The following MREG variants were observed in gnomAD, a reference collection of about 807,000 sequenced individuals.
MREG encodes dilute suppressor protein homolog.
Under a neutral mutation model 28.5 loss-of-function variants are expected in MREG, and 31 were observed. That is an observed-to-expected ratio of 1.09 (90% confidence interval 0.82 to 1.47). The LOEUF (loss-of-function observed/expected upper bound fraction) is 1.47, where lower values mean the gene tolerates loss of function less well. Ranked by LOEUF, MREG falls within the 40% of genes most tolerant of loss-of-function variation. MREG has a pLI of 0.00. For missense variants in MREG, 256 were observed against 257.4 expected, an observed-to-expected ratio of 0.99 and a Z score of 0.04; for synonymous variants, 106 against 95.2, an observed-to-expected ratio of 1.11 and a Z score of -0.66.
At chr2:215,995,596 T>C (rs1693851667) in intron 2 of MREG, among the ~76,000 whole-genome samples, 1 of 148,420 alleles carries the variant, frequency 6.7e-6, no homozygotes, top group African/African-American at 2.5e-5. Flanking sequence ...ATGCAGTGTA[T>C]ATTTAATACA....
chr2:216,015,302 G>T (rs1694429596), upstream of MREG, among the ~76,000 whole-genome samples: 3 of 152,116 alleles, frequency 2.0e-5, no homozygotes, highest in Admixed American at 2.0e-4. Flanking sequence ...CTTGAAGGAG[G>T]TGAGCAAGCT....
chr2:215,983,875 G>C (rs1263836826), intron 2 of MREG, among the ~76,000 whole-genome samples: 1 of 152,128 alleles, frequency 6.6e-6, no homozygotes, highest in South Asian at 2.1e-4. Flanking sequence ...AGCCTTAAAG[G>C]ATAAGCGTAG....
chr2:215,984,532 A>AG (rs1171765226), intron 2 of MREG, among the ~76,000 whole-genome samples: 1 of 151,642 alleles, frequency 6.6e-6, no homozygotes, highest in East Asian at 1.9e-4. Context: ...AAAAAAAAAA[A>AG]AAAAAAAAAA....
rs528592292 is a variant in MREG, at chr2:215,969,789, C to T, written c.256-22676G>A. On this transcript the variant is annotated intron_variant, in intron 2 of 4. Coordinates refer to ENST00000263268, the MANE Select transcript of MREG (RefSeq NM_018000.3). Reference sequence around the variant, plus strand: ...CAGCAGACCCAGGGAGAACTGTCTCCCAATATGGAGGTCATGGAGGGGTGG... The same window carrying T: ...CAGCAGACCCAGGGAGAACTGTCTCTCAATATGGAGGTCATGGAGGGGTGG... Among the ~76,000 whole-genome samples the T allele has an allele frequency of 1.7e-4, 26 of 152,060 alleles. No individual in the cohort carries two copies. The South Asian group carries it at 5.4e-3, about 32-fold the overall frequency.
chr2:215,958,059 G>A (rs1026486334), intron 2 of MREG, among the ~76,000 whole-genome samples: 1 of 148,424 alleles, frequency 6.7e-6, no homozygotes, highest in African/African-American at 2.5e-5. Context: ...TGAACAATGA[G>A]AACACATGGA....
At chr2:215,947,271 T>C (rs923579449) in intron 2 of MREG, among the ~76,000 whole-genome samples, 158 bp from the exon 3 acceptor site, 1 of 152,234 alleles carries the variant, frequency 6.6e-6, no homozygotes, top group Non-Finnish European at 1.5e-5. Context: ...ATAAAGTTGA[T>C]AGGAATACTA....
upstream of MREG, chr2:216,033,874 T>C (rs1694750507): frequency 6.6e-6 from 1 of 152,108 alleles, no homozygotes; most frequent in South Asian, 2.1e-4. Flanking sequence ...TCAGAAATAG[T>C]GTTGTCCAGG....
chr2:215,999,082 A>C (rs996593256), intron 1 of MREG, among the ~76,000 whole-genome samples: 2 of 152,232 alleles, frequency 1.3e-5, no homozygotes, highest in Non-Finnish European at 2.9e-5. Context: ...GCTCAAGCCA[A>C]AGCAGTATAT....
intron 2 of MREG, among the ~76,000 whole-genome samples, chr2:215,989,272 A>G (rs1253682454): frequency 3.3e-5 from 5 of 152,234 alleles, no homozygotes; most frequent in African/African-American, 1.2e-4. Context: ...GTGTACCTCC[A>G]GCAAAATCCA....
Position 215,943,402 on chromosome 2 carries a change from T to A in MREG, c.*1461A>T, listed in dbSNP as rs1414369235. 1 of 456,712 alleles carries A rather than the reference T, an allele frequency of 2.2e-6. No homozygotes were observed. Among genetic ancestry groups the A allele is most frequent in the Admixed American group, 2.3e-5 (1 of 42,582 alleles). 28.3% of individuals were successfully genotyped at this position (456,712 alleles called of 1,614,324 possible). ...AAGAAGGTCCAGCAAAGATCTTCAG[T>A]GCAATACTCCCTGCATATGTGCAAG... is the stretch of plus-strand genomic sequence containing the variant. On this transcript the variant is annotated 3_prime_UTR_variant, in exon 5 of 5. Transcript: ENST00000263268.
At chr2:216,017,606 C>T (rs903061878), upstream of MREG, among the ~76,000 whole-genome samples, 11 of 152,152 alleles carry the variant, frequency 7.2e-5, no homozygotes, top group African/African-American at 2.2e-4. Flanking sequence ...ACCAAGAGCC[C>T]TCTGGGCACC....
At chr2:215,952,816 C>T (rs948546202) in intron 2 of MREG, among the ~76,000 whole-genome samples, 11 of 152,014 alleles carry the variant, frequency 7.2e-5, no homozygotes, top group African/African-American at 2.2e-4. Flanking sequence ...TATTGTTGAA[C>T]ATTTCCTCTT....
At chr2:215,948,641 C>T (rs1482260720) in intron 2 of MREG, among the ~76,000 whole-genome samples, 1 of 152,182 alleles carries the variant, frequency 6.6e-6, no homozygotes, top group African/African-American at 2.4e-5. Context: ...ATTATACTTA[C>T]TTGGCCACTC....
At chr2:215,981,153 G>A (rs1019106120) in intron 2 of MREG, among the ~76,000 whole-genome samples, 4 of 151,958 alleles carry the variant, frequency 2.6e-5, no homozygotes, top group African/African-American at 7.3e-5. Flanking sequence ...TCCACTTCTA[G>A]GTATATGCCC....
intron 2 of MREG, among the ~76,000 whole-genome samples, chr2:215,951,790 A>G (rs1692494600): frequency 6.6e-6 from 1 of 152,218 alleles, no homozygotes; most frequent in Non-Finnish European, 1.5e-5. Context: ...TGCCACCATC[A>G]ATGGCTAATT....
intron 1 of MREG, among the ~76,000 whole-genome samples, chr2:216,007,403 T>TTTTATTTATTTA (rs113045457): frequency 0.024 from 3,480 of 142,822 alleles, 54 homozygotes; most frequent in African/African-American, 0.035. Context: ...CTTAGCAACA[T>TTTTATTTATTTA]TTTATTTATT....
chr2:215,949,090 A>ACTACTAC (rs1559173595), intron 2 of MREG, among the ~76,000 whole-genome samples: 69 of 130,566 alleles, frequency 5.3e-4, no homozygotes, highest in Non-Finnish European at 6.8e-4. Flanking sequence ...ACTACTACTA[A>ACTACTAC]TAATAATAAT....
intron 2 of MREG, among the ~76,000 whole-genome samples, chr2:215,995,479 G>A (rs1193388927): frequency 6.6e-6 from 1 of 151,270 alleles, no homozygotes; most frequent in Non-Finnish European, 1.5e-5. Flanking sequence ...TTAAGGAAAA[G>A]ACAAGCTCCA....
intron 3 of MREG, 54 bp from the exon 4 acceptor site, chr2:215,945,788 T>C (rs1692303822): frequency 6.7e-7 from 1 of 1,492,378 alleles, no homozygotes; most frequent in Non-Finnish European, 9.2e-7. Flanking sequence ...TAACAAGTGT[T>C]CCGCAATACG....
Sources: gnomAD v4.1 joint callset for allele counts (sites outside exome capture counted in the v4.1 genomes callset) on GRCh38, gnomAD v4.1.1 for gene constraint, MANE v1.5 for transcripts, NCBI Gene and HGNC (gene_info 2026-07-23, HGNC 2026-07-21) for gene names.